Variants in CDH12 observed in about 807,000 individuals in gnomAD.
The protein encoded by CDH12 is cadherin-12.
CDH12 carries 41 observed loss-of-function variants against 74.1 expected under a neutral mutation model. The ratio of observed to expected loss-of-function variants is 0.55; its 90% CI spans 0.43 to 0.72. The LOEUF is 0.72. Ranked by LOEUF, CDH12 falls within the 30% of genes least tolerant of loss-of-function variation. The pLI is 0.00. For synonymous variants in CDH12, 399 were observed against 355.0 expected, an observed-to-expected ratio of 1.12 and a Z score of -1.39; for missense variants, 945 against 977.2, an observed-to-expected ratio of 0.97 and a Z score of 0.44.
chr5:22,294,051 A>G (rs577887067), intron 3 of CDH12, among the ~76,000 whole-genome samples: 1 of 152,352 alleles, frequency 6.6e-6, no homozygotes, highest in Admixed American at 6.5e-5. Flanking sequence ...TCCACAATGT[A>G]TATGCTCTTC....
intron 1 of CDH12, among the ~76,000 whole-genome samples, chr5:22,740,137 G>C (rs768306709): frequency 6.6e-6 from 1 of 151,614 alleles, no homozygotes. Flanking sequence ...AAGTTTCCTT[G>C]TTGGTATGAA....
At chr5:22,219,261 C>G (rs1195668207) in intron 3 of CDH12, among the ~76,000 whole-genome samples, 1 of 151,644 alleles carries the variant, frequency 6.6e-6, no homozygotes, top group Non-Finnish European at 1.5e-5. Flanking sequence ...ATGAAAATAC[C>G]TTCTATAACA....
At chr5:22,499,156 C>G (rs943194839) in intron 2 of CDH12, among the ~76,000 whole-genome samples, 1 of 151,558 alleles carries the variant, frequency 6.6e-6, no homozygotes, top group African/African-American at 2.4e-5. Flanking sequence ...TCAAGTGATC[C>G]GCCTGTCTTG....
At chr5:22,530,494 T>C (rs1181040131) in intron 1 of CDH12, among the ~76,000 whole-genome samples, 1 of 147,178 alleles carries the variant, frequency 6.8e-6, no homozygotes, top group African/African-American at 2.5e-5. Context: ...TAAAAATACC[T>C]ACCTCATTAA....
chr5:22,644,368 G>A (rs762923767), intron 1 of CDH12, among the ~76,000 whole-genome samples: 2 of 151,968 alleles, frequency 1.3e-5, no homozygotes, highest in Non-Finnish European at 2.9e-5. Flanking sequence ...TTGCTAATAC[G>A]GAAAAAATTT....
Position 22,391,473 on chromosome 5 carries a change from C to G in CDH12, c.-333+13784G>C, listed in dbSNP as rs187132258. On this transcript the variant is annotated intron_variant, in intron 3 of 14. Coordinates refer to ENST00000382254, the MANE Select transcript of CDH12 (RefSeq NM_004061.5). ...CTTTTTTTAATGTTGAGGCCATATGCAACTACTTCCCTGACCATTACTTTT... is the reference window on the plus strand; with the variant it reads ...CTTTTTTTAATGTTGAGGCCATATGGAACTACTTCCCTGACCATTACTTTT... Among the ~76,000 whole-genome samples the G allele has an allele frequency of 3.9e-5, 6 of 152,158 alleles. No individual in the cohort carries two copies. In the East Asian group the frequency reaches 1.2e-3, roughly 29 times the overall value.
At chr5:22,375,367 C>A (rs1238995458) in intron 3 of CDH12, among the ~76,000 whole-genome samples, 2 of 152,026 alleles carry the variant, frequency 1.3e-5, no homozygotes, top group Non-Finnish European at 2.9e-5. Context: ...AAGAAAAATA[C>A]TTCAAGACAT....
chr5:22,833,525 G>A (rs1390567340), intron 1 of CDH12, among the ~76,000 whole-genome samples: 3 of 152,112 alleles, frequency 2.0e-5, no homozygotes, highest in East Asian at 3.9e-4. Context: ...TAATTGCATA[G>A]CAAAATATTT....
chr5:21,760,656 G>T lies in CDH12; in HGVS notation c.1535C>A (p.Ala512Asp). 6.2e-7 allele frequency: 1 copy of T among 1,600,934 alleles called. No homozygotes were observed. The highest frequency in any genetic ancestry group is 8.6e-7 in the Non-Finnish European group (1 of 1,168,760). ...AGCAGGTGAAAGATCTCGGTCTGCA[G>T]CACTGACTATCTGAATTATCTGCAA... The part of the protein sequence containing the change: ...KPGQIIQIVS[A>D]ADRDLSPAGQ... Residue 512 changes from alanine (A) to aspartate (D), a missense_variant, in exon 13 of 15, where the codon GCT (alanine) becomes GAT (aspartate). Ala to Asp is a moderately radical substitution (Grantham distance 126). Coordinates refer to ENST00000382254, the MANE Select transcript of CDH12 (RefSeq NM_004061.5).
chr5:21,870,958 C>T (rs1187463336), intron 6 of CDH12, among the ~76,000 whole-genome samples: 1 of 152,104 alleles, frequency 6.6e-6, no homozygotes, highest in East Asian at 1.9e-4. Flanking sequence ...TTTCACACTC[C>T]TAGGATCAAA....
intron 2 of CDH12, among the ~76,000 whole-genome samples, chr5:22,480,467 C>T (rs1054652659): frequency 1.3e-5 from 2 of 151,574 alleles, no homozygotes; most frequent in Non-Finnish European, 2.9e-5. Flanking sequence ...GCCTGTGGTC[C>T]CAGCTACTCA....
intron 4 of CDH12, among the ~76,000 whole-genome samples, chr5:22,120,505 G>T (rs10045082): frequency 0.48 from 72,524 of 151,842 alleles, 17,583 homozygotes; most frequent in Middle Eastern, 0.52. Flanking sequence ...ATGTTGACAT[G>T]TTTATGAAAG....
chr5:22,038,054 G>T (rs866147069), intron 5 of CDH12, among the ~76,000 whole-genome samples: 1 of 152,170 alleles, frequency 6.6e-6, no homozygotes, highest in Non-Finnish European at 1.5e-5. Context: ...GAAGCTTCTG[G>T]AGTCCATACC....
intron 5 of CDH12, among the ~76,000 whole-genome samples, chr5:21,989,265 A>C (rs1358985398): frequency 6.6e-6 from 1 of 152,218 alleles, no homozygotes; most frequent in Admixed American, 6.5e-5. Flanking sequence ...AATCAAATAA[A>C]CATGTAGTTT....
At chr5:21,998,353 T>C (rs1580089043) in intron 5 of CDH12, among the ~76,000 whole-genome samples, 2 of 152,056 alleles carry the variant, frequency 1.3e-5, no homozygotes, top group East Asian at 3.9e-4. Context: ...TTTAAATATA[T>C]ATATACATTT....
rs558004122 is a variant in CDH12 at position 22,417,116 on chromosome 5, A to G, written c.-427-11765T>C. Among the ~76,000 whole-genome samples, 917 of 152,302 alleles carry G rather than the reference A, an allele frequency of 6.0e-3. 13 individuals are homozygous for G. Among genetic ancestry groups the G allele is most frequent in the Non-Finnish European group, 8.2e-3 (559 of 68,026 alleles). Reference sequence around the variant, plus strand: ...TAGATATTAAAACTGTGAATTGAAAATGTTTATTTAAAACAATAATAAACC... The same window carrying G: ...TAGATATTAAAACTGTGAATTGAAAGTGTTTATTTAAAACAATAATAAACC... On this transcript the variant is annotated intron_variant, in intron 2 of 14. Transcript: ENST00000382254.
chr5:22,091,910 G>C (rs1429250791), intron 4 of CDH12, among the ~76,000 whole-genome samples: 2 of 151,838 alleles, frequency 1.3e-5, no homozygotes, highest in Admixed American at 6.6e-5. Context: ...TCCATCCTGA[G>C]TGAATTTTTG....
intron 2 of CDH12, among the ~76,000 whole-genome samples, chr5:22,411,105 C>T (rs1743152285): frequency 6.7e-6 from 1 of 149,348 alleles, no homozygotes. Context: ...CAGGTATATA[C>T]AAAGATATAT....
intron 3 of CDH12, among the ~76,000 whole-genome samples, chr5:22,274,638 T>A (rs2150402414): frequency 6.6e-6 from 1 of 152,116 alleles, no homozygotes; most frequent in Non-Finnish European, 1.5e-5. Flanking sequence ...TCATGATATA[T>A]CATATTATAT....
Sources: gnomAD v4.1 joint callset for allele counts (sites outside exome capture counted in the v4.1 genomes callset) on GRCh38, gnomAD v4.1.1 for gene constraint, MANE v1.5 for transcripts, NCBI Gene and HGNC (gene_info 2026-07-23, HGNC 2026-07-21) for gene names.